The following CEP41 variants were observed in gnomAD, a reference collection of about 807,000 sequenced individuals.
CEP41 encodes the protein centrosomal protein 41, also known as centrosomal protein of 41 kDa.
A neutral mutation model predicts 44.3 loss-of-function variants in CEP41; 32 were observed. The ratio of observed to expected loss-of-function variants is 0.72; its 90% CI spans 0.54 to 0.97. The LOEUF is 0.97. CEP41 is among the 50% of genes least tolerant of loss of function. The pLI is 0.00. For missense variants in CEP41, 432 were observed against 455.2 expected (o/e 0.95, Z 0.46); for synonymous variants, 151 against 168.5 (o/e 0.90, Z 0.80).
chr7:130,405,328 GA>G (rs1796977924), intron 5 of CEP41, among the ~76,000 whole-genome samples: 1 of 152,150 alleles, frequency 6.6e-6, no homozygotes, highest in Non-Finnish European at 1.5e-5. Flanking sequence ...TTGCTTGGAA[GA>G]AAAACTGACA....
At position 130,402,687 on chromosome 7, in the gene CEP41, G is replaced by C. The variant is rs782036013; in HGVS notation, c.535C>G (p.Arg179Gly). ...CACTGCTGGTAAGAATCTCTATCAC[G>C]CACATCTAGCAGCAGGAAGGGGCAG... is the stretch of plus-strand genomic sequence containing the variant. ...PDCPFLLLDV[R>G]DRDSYQQCHI... Residue 179 changes from arginine to glycine, a missense_variant, in exon 7 of 11, where the codon CGT (arginine) becomes GGT (glycine). By Grantham distance (125) the Arg-to-Gly change is moderately radical. Transcript: ENST00000223208. 2.5e-6 allele frequency: 4 copies of C among 1,614,012 alleles called. No homozygotes were observed. The African/African-American group carries it at 4.0e-5, about 16-fold the overall frequency.
chr7:130,401,578 G>GA (rs1208391279), intron 8 of CEP41, among the ~76,000 whole-genome samples: 2 of 151,780 alleles, frequency 1.3e-5, no homozygotes, highest in Non-Finnish European at 2.9e-5. Flanking sequence ...AATTAAAATA[G>GA]AAAAAAACCC....
At chr7:130,425,339 G>T (rs1375358434) in intron 2 of CEP41, among the ~76,000 whole-genome samples, 1 of 152,142 alleles carries the variant, frequency 6.6e-6, no homozygotes, top group Non-Finnish European at 1.5e-5. Flanking sequence ...CTTGAACCTG[G>T]GAGGCAGAGG....
chr7:130,441,142 G>C (rs782164059), upstream of CEP41: 2 of 737,332 alleles, frequency 2.7e-6, no homozygotes, highest in Non-Finnish European at 4.8e-6. Flanking sequence ...GGTCGCAGAA[G>C]GGCAAGACGC....
At chr7:130,412,958 G>A (rs1003627476) in intron 3 of CEP41, among the ~76,000 whole-genome samples, 4 of 152,140 alleles carry the variant, frequency 2.6e-5, no homozygotes, top group Non-Finnish European at 2.9e-5. Context: ...AAACCATTAC[G>A]ATGGTAGGTG....
intron 10 of CEP41, 173 bp downstream of exon 10, chr7:130,399,866 C>A (rs1325343740): frequency 4.7e-6 from 3 of 637,000 alleles, no homozygotes; most frequent in South Asian, 1.8e-5. Context: ...CTCTTCAATG[C>A]GTAATTCTTG....
In CEP41 at chr7:130,395,963, A is replaced by G; in HGVS notation, c.*2928T>C. The G allele has an allele frequency of 2.2e-6, 1 of 453,372 alleles. No individual in the cohort carries two copies. Among genetic ancestry groups the G allele is most frequent in the Non-Finnish European group, 4.4e-6 (1 of 226,712 alleles). 28.1% of individuals were successfully genotyped at this position (453,372 alleles called of 1,614,324 possible). ...ACTTTTTCAAGAGATTGAGCCTGAC[A>G]TTATTACAGCCCAGGGTGTTCCTTT... On this transcript the variant is annotated 3_prime_UTR_variant, in exon 11 of 11. Transcript: ENST00000223208.
chr7:130,440,993 G>T lies in CEP41; in HGVS notation c.-27C>A, dbSNP rs201508425. ...TTTTCTCCAACCGACCACGTTCGGG[G>T]TTCTAGCCTCACGGGTTGCCTCTAA... On this transcript the variant is annotated 5_prime_UTR_variant, in exon 1 of 11. Coordinates refer to ENST00000223208, the MANE Select transcript of CEP41 (RefSeq NM_018718.3). The T allele has an allele frequency of 1.3e-5, 21 of 1,612,112 alleles. No individual in the cohort carries two copies. In the African/African-American group the frequency reaches 2.5e-4, roughly 19 times the overall value.
In CEP41 at chr7:130,394,845, G is replaced by C. The variant is rs1337433774; in HGVS notation, c.*4046C>G. On this transcript the variant is annotated 3_prime_UTR_variant, in exon 11 of 11. Coordinates refer to ENST00000223208, the MANE Select transcript of CEP41 (RefSeq NM_018718.3). The stretch of plus-strand genomic sequence containing the variant: ...CTTATAGTCAAAATAATTGCAACAG[G>C]AAGACATATTGATATCCTTTAAAAG... The C allele has an allele frequency of 4.4e-6, 2 of 453,956 alleles. No homozygotes were observed. The highest frequency in any genetic ancestry group is 2.4e-5 in the Admixed American group (1 of 42,552). The allele number at this position is 453,956 out of a possible 1,614,324, so 28.1% of individuals were successfully genotyped here. A position where few individuals can be genotyped will look rare whatever the true frequency, so the allele number is the denominator to read the frequency against.
At position 130,398,924 on chromosome 7, in the gene CEP41, G is replaced by A; in HGVS notation, c.1089C>T (p.Ser363=). Residue 363 remains serine (S), a synonymous_variant, in exon 11 of 11, where the codon AGC becomes AGT. Transcript: ENST00000223208. The part of the protein sequence containing the change: ...PASHSNPRSL[S]SGHLQGKPWK ...AGGGTTTGCCTTGCAGGTGACCACT[G>A]CTGAGGGAGCGGGGGTTTGAGTGGC... The A allele has an allele frequency of 1.2e-6, 2 of 1,614,254 alleles. No homozygotes were observed. The highest frequency in any genetic ancestry group is 1.1e-5 in the South Asian group (1 of 91,084).
chr7:130,412,177 A>G lies in CEP41; in HGVS notation c.207+2T>C. 6.6e-7 allele frequency: 1 copy of G among 1,508,390 alleles called. No individual in the cohort carries two copies. Among genetic ancestry groups the G allele is most frequent in the Non-Finnish European group, 9.2e-7 (1 of 1,083,776 alleles). The allele number at this position is 1,508,390 out of a possible 1,614,324, so 93.4% of individuals were successfully genotyped here. On this transcript the variant is annotated splice_donor_variant, in intron 4 of 10. Coordinates refer to ENST00000223208, the MANE Select transcript of CEP41 (RefSeq NM_018718.3). LOFTEE classifies it high-confidence loss of function. ...CTCCAGTGGAAAAATCAAGAAACTTACCAGCTGGGCAAAAGTTGTAACTTT... is the reference window on the plus strand; with the variant it reads ...CTCCAGTGGAAAAATCAAGAAACTTGCCAGCTGGGCAAAAGTTGTAACTTT...
chr7:130,430,369 C>A (rs1554424817), intron 1 of CEP41, among the ~76,000 whole-genome samples: 1 of 152,104 alleles, frequency 6.6e-6, no homozygotes. Flanking sequence ...TCACCCCAGG[C>A]AAATCACATC....
chr7:130,420,168 A>C, intron 2 of CEP41: 2 of 573,164 alleles, frequency 3.5e-6, no homozygotes, highest in Non-Finnish European at 4.4e-6. Flanking sequence ...CAAAACACAC[A>C]CATACACAAA....
intron 1 of CEP41, among the ~76,000 whole-genome samples, chr7:130,436,871 T>C (rs1269473289): frequency 2.0e-5 from 3 of 152,068 alleles, no homozygotes; most frequent in South Asian, 2.1e-4. Flanking sequence ...ACCCCGTCTC[T>C]ACTAAAAATA....
intron 1 of CEP41, among the ~76,000 whole-genome samples, chr7:130,430,565 A>G (rs553432369): frequency 6.6e-6 from 1 of 152,328 alleles, no homozygotes; most frequent in South Asian, 2.1e-4. Context: ...TTAGTAAAAG[A>G]AGGAAAACAT....
Position 130,395,953 on chromosome 7 carries a change from T to C in CEP41, c.*2938A>G, listed in dbSNP as rs1796645170. 1 of 453,414 alleles carries C rather than the reference T, an allele frequency of 2.2e-6. No homozygotes were observed. Among genetic ancestry groups the C allele is most frequent in the South Asian group, 1.6e-5 (1 of 64,040 alleles). 28.1% of individuals were successfully genotyped at this position (453,414 alleles called of 1,614,324 possible). A position where few individuals can be genotyped will look rare whatever the true frequency, so the allele number is the denominator to read the frequency against. On this transcript the variant is annotated 3_prime_UTR_variant, in exon 11 of 11. Coordinates refer to ENST00000223208, the MANE Select transcript of CEP41 (RefSeq NM_018718.3). ...ATCATTCCATACTTTTTCAAGAGAT[T>C]GAGCCTGACATTATTACAGCCCAGG...
chr7:130,425,327 C>T (rs542925849), intron 2 of CEP41, among the ~76,000 whole-genome samples: 5 of 152,118 alleles, frequency 3.3e-5, no homozygotes, highest in Admixed American at 1.3e-4. Flanking sequence ...GCAGGAGAAT[C>T]GCTTGAACCT....
rs782590600 is a variant in CEP41 at position 130,398,959 on chromosome 7, C to T, written c.1054G>A (p.Gly352Ser). The stretch of plus-strand genomic sequence containing the variant: ...CGGGGGTTTGAGTGGCTGGCGGGGC[C>T]GCCACCTGGCAGATTCTGAGCGCTT... ...ARSAQNLPGG[G>S]PASHSNPRSL... Residue 352 changes from glycine (G) to serine (S), a missense_variant, in exon 11 of 11, where the codon GGC becomes AGC. Gly to Ser is a moderately conservative substitution (Grantham distance 56, BLOSUM62 0). Coordinates refer to ENST00000223208, the MANE Select transcript of CEP41 (RefSeq NM_018718.3). 12 of 1,614,058 alleles carry T rather than the reference C, an allele frequency of 7.4e-6. No individual in the cohort carries two copies. The highest frequency in any genetic ancestry group is 2.7e-5 in the African/African-American group (2 of 74,928).
At chr7:130,426,231 C>T (rs1406383903) in intron 2 of CEP41, among the ~76,000 whole-genome samples, 1 of 151,734 alleles carries the variant, frequency 6.6e-6, no homozygotes, top group Non-Finnish European at 1.5e-5. Context: ...AAAAGTTTAA[C>T]AAAAAAGCCA....
Sources: gnomAD v4.1 joint callset for allele counts (sites outside exome capture counted in the v4.1 genomes callset) on GRCh38, gnomAD v4.1.1 for gene constraint, MANE v1.5 for transcripts, NCBI Gene and HGNC (gene_info 2026-07-23, HGNC 2026-07-21) for gene names.